Variants in HAPSTR2 observed in about 807,000 individuals in gnomAD.
HAPSTR2 encodes the protein HUWE1 associated protein modifying stress responses 2.
the HAPSTR2 span, chrX:140,092,604 T>C: frequency 1.3e-6 from 1 of 743,567 alleles, no homozygotes; most frequent in South Asian, 6.9e-5. Context: ...TGCTTGAGAG[T>C]GAACTCAACC....
the HAPSTR2 span, chrX:140,092,442 C>T: frequency 1.3e-6 from 1 of 754,190 alleles, no homozygotes. Context: ...CGACTTGAAT[C>T]CCTTCGACTC....
the HAPSTR2 span, chrX:140,091,844 G>A: frequency 4.1e-6 from 4 of 980,641 alleles, no homozygotes; most frequent in Admixed American, 3.3e-5. Flanking sequence ...AGGAGCAGCT[G>A]CCCCCCGAGC....
the HAPSTR2 span, chrX:140,092,476 A>G: frequency 1.3e-6 from 1 of 753,811 alleles, no homozygotes; most frequent in Non-Finnish European, 1.6e-6. Context: ...CTCCACCTGG[A>G]CAGTGGGGGG....
At chrX:140,092,049 G>A in the HAPSTR2 span, 1 of 811,916 alleles carries the variant, frequency 1.2e-6, no homozygotes, top group Non-Finnish European at 1.5e-6. Context: ...AGAGAGCGGG[G>A]ATGCCCACCA....
At chrX:140,092,731 T>C in the HAPSTR2 span, among the ~76,000 whole-genome samples, 2 of 111,782 alleles carry the variant, frequency 1.8e-5, no homozygotes, top group African/African-American at 6.5e-5. Flanking sequence ...AGAAGAGGCT[T>C]CATATGACTC....
the HAPSTR2 span, chrX:140,092,135 C>T: frequency 7.7e-6 from 6 of 775,204 alleles, no homozygotes; most frequent in Non-Finnish European, 9.2e-6. Flanking sequence ...TGAAAAAGGG[C>T]CGGAGCACCA....
chrX:140,092,149 G>A, the HAPSTR2 span: 1 of 767,928 alleles, frequency 1.3e-6, no homozygotes, highest in Non-Finnish European at 1.5e-6. Context: ...AGCACCATTC[G>A]TCGCGAAGAC....
At chrX:140,091,791 T>C in the HAPSTR2 span, 1 of 952,810 alleles carries the variant, frequency 1.0e-6, no homozygotes, top group Non-Finnish European at 1.3e-6. Flanking sequence ...GGAGCACTGG[T>C]TTTCCAAGTG....
the HAPSTR2 span, chrX:140,091,763 G>T: frequency 1.1e-6 from 1 of 933,853 alleles, no homozygotes; most frequent in Admixed American, 3.8e-5. Context: ...AGCAGAAGGA[G>T]GGCGAGGCCG....
At chrX:140,091,826 C>T in the HAPSTR2 span, 3 of 972,753 alleles carry the variant, frequency 3.1e-6, no homozygotes, top group Non-Finnish European at 1.3e-6. Context: ...TGGCTGAGGC[C>T]GAGCAGGAGG....
the HAPSTR2 span, chrX:140,091,872 G>A: frequency 1.0e-6 from 1 of 963,306 alleles, no homozygotes; most frequent in South Asian, 3.0e-5. Flanking sequence ...GGAGGCGGCT[G>A]CAGAGTTGGC....
the HAPSTR2 span, chrX:140,092,039 A>T: frequency 1.2e-6 from 1 of 814,997 alleles, no homozygotes; most frequent in Non-Finnish European, 1.5e-6. Context: ...GCCTCTACAA[A>T]GAGAGCGGGG....
At chrX:140,092,250 A>T in the HAPSTR2 span, 1 of 754,922 alleles carries the variant, frequency 1.3e-6, no homozygotes, top group African/African-American at 2.3e-5. Context: ...TGGGGTCACC[A>T]GCCAGGCTGT....
chrX:140,092,700 A>C, the HAPSTR2 span: 1 of 434,654 alleles, frequency 2.3e-6, no homozygotes, highest in Non-Finnish European at 2.9e-6. Context: ...TTTTGCCATA[A>C]AGAAACTTTA....
chrX:140,091,887 C>A, the HAPSTR2 span: 1 of 935,592 alleles, frequency 1.1e-6, no homozygotes, highest in Admixed American at 4.0e-5. Context: ...GTTGGCAGGG[C>A]TCAAGAGCGA....
the HAPSTR2 span, chrX:140,091,758 A>C: frequency 7.6e-6 from 7 of 924,224 alleles, no homozygotes; most frequent in Admixed American, 4.0e-5. Flanking sequence ...GGAGCAGCAG[A>C]AGGAGGGCGA....
chrX:140,092,448 G>A, the HAPSTR2 span: 33 of 751,963 alleles, frequency 4.4e-5, no homozygotes, highest in East Asian at 1.5e-4. Context: ...GAATCCCTTC[G>A]ACTCAGAGGA....
At chrX:140,092,557 T>C in the HAPSTR2 span, 3 of 753,043 alleles carry the variant, frequency 4.0e-6, no homozygotes, top group Non-Finnish European at 3.1e-6. Context: ...CGCAACCGAA[T>C]GGTCTAAACT....
chrX:140,092,148 C>G, the HAPSTR2 span: 2 of 768,047 alleles, frequency 2.6e-6, no homozygotes, highest in Non-Finnish European at 3.1e-6. Context: ...GAGCACCATT[C>G]GTCGCGAAGA....
Sources: gnomAD v4.1 joint callset for allele counts (sites outside exome capture counted in the v4.1 genomes callset) on GRCh38, gnomAD v4.1.1 for gene constraint, MANE v1.5 for transcripts, NCBI Gene and HGNC (gene_info 2026-07-23, HGNC 2026-07-21) for gene names.